Variants in ZIM2 observed in about 807,000 individuals in gnomAD.
The protein encoded by ZIM2 is zinc finger imprinted 2.
Under a neutral mutation model 38.6 loss-of-function variants are expected in ZIM2, and 14 were observed. That is an observed-to-expected ratio of 0.36 (90% CI 0.24 to 0.57). ZIM2 has a LOEUF of 0.57. Ranked by LOEUF, ZIM2 falls within the 20% of genes least tolerant of loss-of-function variation. The pLI, the probability that ZIM2 is intolerant of heterozygous loss-of-function variation, is 0.81. For missense variants in ZIM2, 680 were observed against 695.1 expected (o/e 0.98, Z 0.24); for synonymous variants, 247 against 245.8 (o/e 1.00, Z -0.04).
At chr19:56,822,427 T>G (rs1396712809) in intron 6 of ZIM2, 1 of 275,478 alleles carries the variant, frequency 3.6e-6, no homozygotes, top group East Asian at 7.3e-5. Context: ...ATTCTCGCCT[T>G]CTGCCTATGG....
At chr19:56,821,514 G>T in intron 7 of ZIM2, 137 bp downstream of exon 7, 2 of 1,029,538 alleles carry the variant, frequency 1.9e-6, no homozygotes, top group South Asian at 1.6e-5. Context: ...GATGGGCCCG[G>T]GCTCCTCCTG....
intron 9 of ZIM2, among the ~76,000 whole-genome samples, chr19:56,804,771 G>A (rs1820122756): frequency 6.6e-6 from 1 of 152,230 alleles, no homozygotes; most frequent in Non-Finnish European, 1.5e-5. Context: ...AAATAGGCAT[G>A]TTCCAAGAAT....
rs2045993811 is a variant in ZIM2, at chr19:56,776,135, AAGCAAGGAAG to A, written c.836-616_836-607del. On this transcript the variant is annotated intron_variant, in intron 12 of 12. Transcript: ENST00000629319. ...AAAAAAAAAAAAAGGAAAAGACAGT[AAGCAAGGAAG>A]AGTGAGGAAGAAACAGAAAAAATAT... Among the ~76,000 whole-genome samples, 25 of 151,664 alleles carry A rather than the reference AAGCAAGGAAG, an allele frequency of 1.6e-4. No homozygotes were observed. In the South Asian group the frequency reaches 5.2e-3, roughly 32 times the overall value.
chr19:56,824,212 G>A (rs757371252), intron 4 of ZIM2, 50 bp downstream of exon 4: 1 of 1,583,936 alleles, frequency 6.3e-7, no homozygotes, highest in Middle Eastern at 2.1e-4. Flanking sequence ...AGAGCCCCAG[G>A]GGACACCTGA....
At chr19:56,818,944 T>C (rs1294865203) in intron 7 of ZIM2, among the ~76,000 whole-genome samples, 1 of 152,204 alleles carries the variant, frequency 6.6e-6, no homozygotes, top group African/African-American at 2.4e-5. Context: ...ATGCAGCTTA[T>C]AATTTGGTTG....
At chr19:56,834,569 C>T (rs2061890341) in intron 2 of ZIM2, among the ~76,000 whole-genome samples, 1 of 152,188 alleles carries the variant, frequency 6.6e-6, no homozygotes, top group Admixed American at 6.5e-5. Flanking sequence ...ACAGGAACAT[C>T]CTATTTCAAG....
intron 9 of ZIM2, chr19:56,812,346 C>T (rs754285638): frequency 1.2e-5 from 12 of 982,434 alleles, no homozygotes; most frequent in Non-Finnish European, 1.4e-5. Flanking sequence ...AAAGAAGGAA[C>T]AGATGTTAAC....
intron 3 of ZIM2, among the ~76,000 whole-genome samples, 155 bp downstream of exon 3, chr19:56,826,233 G>A (rs1484790199): frequency 2.0e-5 from 3 of 152,158 alleles, no homozygotes; most frequent in African/African-American, 7.2e-5. Context: ...CCCAGGACAG[G>A]GCAAGAGCAG....
chr19:56,813,556 G>T, intron 9 of ZIM2: 1 of 1,453,146 alleles, frequency 6.9e-7, no homozygotes, highest in Non-Finnish European at 9.1e-7. Context: ...GTTAAGTCAG[G>T]TGTGTAACAC....
chr19:56,779,770 G>A (rs1341218679), intron 11 of ZIM2, among the ~76,000 whole-genome samples: 2 of 152,226 alleles, frequency 1.3e-5, no homozygotes, highest in East Asian at 3.9e-4. Context: ...TCCATGTCAA[G>A]AGTGCCAAGG....
chr19:56,797,179 G>T (rs1411648935), intron 9 of ZIM2, among the ~76,000 whole-genome samples: 1 of 152,118 alleles, frequency 6.6e-6, no homozygotes, highest in Non-Finnish European at 1.5e-5. Context: ...AGCTGGGTGT[G>T]GTGGTGCACA....
rs569275114 is a variant in ZIM2, at chr19:56,792,653, C to T, written c.491-2702G>A. On this transcript the variant is annotated intron_variant, in intron 9 of 12. Transcript: ENST00000629319. ...ACGGGAACAATAAACACGGAAAATTCCAAAAGGGGGTAATGAGGAAGGAGG... is the reference window on the plus strand; with the variant it reads ...ACGGGAACAATAAACACGGAAAATTTCAAAAGGGGGTAATGAGGAAGGAGG... Among the ~76,000 whole-genome samples, 7 of 151,252 alleles carry T rather than the reference C, an allele frequency of 4.6e-5. No homozygotes were observed. The South Asian group carries it at 1.5e-3, about 32-fold the overall frequency.
chr19:56,835,772 A>C (rs1422200930), intron 2 of ZIM2, among the ~76,000 whole-genome samples: 1 of 152,234 alleles, frequency 6.6e-6, no homozygotes, highest in African/African-American at 2.4e-5. Context: ...AGAGAAAAAG[A>C]GTAGCCCTGA....
intron 9 of ZIM2, among the ~76,000 whole-genome samples, chr19:56,805,258 G>C (rs535757197): frequency 6.6e-6 from 1 of 152,114 alleles, no homozygotes; most frequent in African/African-American, 2.4e-5. Flanking sequence ...TCCCCTGGAG[G>C]GCAAATCGTT....
intron 7 of ZIM2, among the ~76,000 whole-genome samples, 192 bp from the exon 8 acceptor site, chr19:56,818,894 G>C (rs1460788092): frequency 6.6e-6 from 1 of 152,228 alleles, no homozygotes; most frequent in Non-Finnish European, 1.5e-5. Flanking sequence ...TACACTCTGA[G>C]GCAGATCCCA....
chr19:56,815,800 G>A (rs1383736888), intron 9 of ZIM2: 2 of 1,613,494 alleles, frequency 1.2e-6, no homozygotes, highest in East Asian at 2.2e-5. Context: ...CCCTTCACAA[G>A]GGTTCTCTCT....
chr19:56,817,639 TGGA>T, intron 9 of ZIM2, 104 bp downstream of exon 9: 6 of 1,515,712 alleles, frequency 4.0e-6, no homozygotes, highest in Non-Finnish European at 5.5e-6. Context: ...CAGTGGGACT[TGGA>T]GGGGTGCACC....
intron 9 of ZIM2, among the ~76,000 whole-genome samples, chr19:56,794,515 C>T (rs1042067520): frequency 2.6e-5 from 4 of 152,176 alleles, no homozygotes; most frequent in Non-Finnish European, 5.9e-5. Flanking sequence ...TAATGAACAT[C>T]ACTGAAACTA....
At chr19:56,800,672 A>G (rs2047476454) in intron 9 of ZIM2, among the ~76,000 whole-genome samples, 1 of 152,156 alleles carries the variant, frequency 6.6e-6, no homozygotes, top group Non-Finnish European at 1.5e-5. Context: ...AAATAATTTT[A>G]TATAAGAAAA....
Sources: allele counts gnomAD v4.1 joint callset (sites outside exome capture counted in the v4.1 genomes callset), GRCh38; gene constraint gnomAD v4.1.1; transcripts MANE v1.5; gene names NCBI Gene and HGNC (gene_info 2026-07-23, HGNC 2026-07-21).